The following HPCAL1 variants were observed in gnomAD, a reference collection of about 807,000 sequenced individuals.
HPCAL1 encodes the protein hippocalcin like 1.
In HPCAL1, 8 loss-of-function variants were observed where a neutral mutation model predicts 17.1. That is an observed-to-expected ratio of 0.47 (90% CI 0.27 to 0.84). HPCAL1 has a LOEUF of 0.84. HPCAL1 is among the 40% of genes least tolerant of loss of function. The pLI, the probability that HPCAL1 is intolerant of heterozygous loss-of-function variation, is 0.13. For synonymous variants in HPCAL1, 112 were observed against 111.4 expected (o/e 1.01, Z -0.03); for missense variants, 165 against 271.1 (o/e 0.61, Z 2.75).
At chr2:10,404,870 C>T (rs1003802544) in intron 2 of HPCAL1, among the ~76,000 whole-genome samples, 5 of 152,106 alleles carry the variant, frequency 3.3e-5, no homozygotes, top group Non-Finnish European at 5.9e-5. Flanking sequence ...TTGGGTGTGC[C>T]GAGCGAGAAG....
intron 1 of HPCAL1, among the ~76,000 whole-genome samples, chr2:10,388,497 G>A (rs1190018109): frequency 2.6e-5 from 4 of 152,150 alleles, no homozygotes; most frequent in East Asian, 1.9e-4. Context: ...ATCGTGTTTC[G>A]AGGTGACCTG....
chr2:10,401,202 G>A (rs1215740202), intron 2 of HPCAL1, among the ~76,000 whole-genome samples: 2 of 152,152 alleles, frequency 1.3e-5, no homozygotes, highest in Non-Finnish European at 2.9e-5. Context: ...TCTCTAGGTG[G>A]AGTCCACAGT....
intron 1 of HPCAL1, among the ~76,000 whole-genome samples, chr2:10,325,008 T>C (rs1475355534): frequency 6.6e-6 from 1 of 150,872 alleles, no homozygotes; most frequent in Non-Finnish European, 1.5e-5. Flanking sequence ...TTTTTTTGTA[T>C]TTTTAGTAGA....
intron 1 of HPCAL1, among the ~76,000 whole-genome samples, chr2:10,387,364 G>A (rs949803327): frequency 1.3e-5 from 2 of 152,254 alleles, no homozygotes; most frequent in Non-Finnish European, 2.9e-5. Flanking sequence ...ACGCACTGGG[G>A]ACTGGCTCTA....
At chr2:10,309,882 C>T (rs1662845080) in intron 1 of HPCAL1, among the ~76,000 whole-genome samples, 1 of 152,186 alleles carries the variant, frequency 6.6e-6, no homozygotes. Flanking sequence ...AATGACCGTT[C>T]TCTCCCATGG....
intron 2 of HPCAL1, among the ~76,000 whole-genome samples, chr2:10,405,155 CA>C (rs1427181530): frequency 6.6e-6 from 1 of 152,266 alleles, no homozygotes; most frequent in African/African-American, 2.4e-5. Context: ...GAAGTTGAGA[CA>C]GCCAGGACCA....
chr2:10,322,906 T>C (rs1167047195), intron 1 of HPCAL1, among the ~76,000 whole-genome samples: 1 of 152,186 alleles, frequency 6.6e-6, no homozygotes, highest in Non-Finnish European at 1.5e-5. Flanking sequence ...GCATTCCTCA[T>C]TGATGGAATG....
intron 1 of HPCAL1, among the ~76,000 whole-genome samples, chr2:10,311,740 G>T (rs1572611340): frequency 6.6e-6 from 1 of 152,008 alleles, no homozygotes; most frequent in South Asian, 2.1e-4. Flanking sequence ...TGGGCCAGTT[G>T]CTGGCTCCCC....
chr2:10,411,199 A>G (rs1422672121), intron 2 of HPCAL1, among the ~76,000 whole-genome samples: 1 of 152,194 alleles, frequency 6.6e-6, no homozygotes. Context: ...GCTGGACACC[A>G]GCCAGGAGCA....
At chr2:10,351,626 G>T (rs1665846166) in intron 1 of HPCAL1, among the ~76,000 whole-genome samples, 1 of 152,034 alleles carries the variant, frequency 6.6e-6, no homozygotes, top group African/African-American at 2.4e-5. Context: ...AGGTGTGGTG[G>T]TGTGTGCCTG....
chr2:10,306,798 C>T (rs1662656110), intron 1 of HPCAL1, among the ~76,000 whole-genome samples: 1 of 152,082 alleles, frequency 6.6e-6, no homozygotes, highest in African/African-American at 2.4e-5. Flanking sequence ...TTTAAAGAGC[C>T]CTACCTTGGC....
intron 1 of HPCAL1, among the ~76,000 whole-genome samples, chr2:10,390,844 A>C (rs1668643422): frequency 6.6e-6 from 1 of 152,178 alleles, no homozygotes; most frequent in Non-Finnish European, 1.5e-5. Flanking sequence ...ACCTGCTTAC[A>C]CTGTGACCTG....
intron 1 of HPCAL1, among the ~76,000 whole-genome samples, chr2:10,355,007 G>C (rs539655054): frequency 6.0e-4 from 91 of 152,338 alleles, no homozygotes; most frequent in Non-Finnish European, 9.4e-4. Flanking sequence ...TGCCCAGGCA[G>C]GTAACAGACT....
intron 1 of HPCAL1, among the ~76,000 whole-genome samples, chr2:10,376,854 T>G (rs909114641): frequency 7.5e-6 from 1 of 132,548 alleles, no homozygotes; most frequent in African/African-American, 3.3e-5. Context: ...TTGTATTGTG[T>G]GTAGTACAAT....
rs184377514 is a variant in HPCAL1, at chr2:10,333,491, A to G, written c.-111+30314A>G. 4.5e-3 allele frequency among the ~76,000 whole-genome samples: 679 copies of G among 152,212 alleles called. 7 individuals are homozygous for G. The highest frequency in any genetic ancestry group is 0.015 in the African/African-American group (634 of 41,538). ...GTATCACCGTAGCCCAAGCCAGCCT[A>G]AGCCAGCCTCCTGTGGCCCAGCACC... is the stretch of plus-strand genomic sequence containing the variant. On this transcript the variant is annotated intron_variant, in intron 1 of 4. Transcript: ENST00000307845.
intron 2 of HPCAL1, among the ~76,000 whole-genome samples, chr2:10,415,717 G>A (rs958112733): frequency 2.0e-5 from 3 of 152,142 alleles, no homozygotes; most frequent in Admixed American, 6.5e-5. Flanking sequence ...GTTATTCGGG[G>A]GGAGTCCAGA....
chr2:10,386,805 T>C (rs1300610093), intron 1 of HPCAL1, among the ~76,000 whole-genome samples: 10 of 152,178 alleles, frequency 6.6e-5, no homozygotes, highest in Non-Finnish European at 1.5e-4. Context: ...CACCTCTCCA[T>C]GGACCCACCT....
rs1452546023 is a variant in HPCAL1 at position 10,391,200 on chromosome 2, G to A, written c.-110-5635G>A. Among the ~76,000 whole-genome samples, 4 of 151,674 alleles carry A rather than the reference G, an allele frequency of 2.6e-5. No individual in the cohort carries two copies. The South Asian group carries it at 8.3e-4, about 32-fold the overall frequency. ...ATAGCTCAGCTCCAGCACCTTCCTG[G>A]GGGCCCAGTCCTGGATTTGAGGCTG... On this transcript the variant is annotated intron_variant, in intron 1 of 4. Coordinates refer to ENST00000307845, the MANE Select transcript of HPCAL1 (RefSeq NM_002149.4).
chr2:10,376,749 G>T (rs1667586047), intron 1 of HPCAL1, among the ~76,000 whole-genome samples: 1 of 151,944 alleles, frequency 6.6e-6, no homozygotes, highest in South Asian at 2.1e-4. Context: ...TATATCTCTT[G>T]ACTGTCACAA....
Sources: gnomAD v4.1 joint callset for allele counts (sites outside exome capture counted in the v4.1 genomes callset) on GRCh38, gnomAD v4.1.1 for gene constraint, MANE v1.5 for transcripts, NCBI Gene and HGNC (gene_info 2026-07-23, HGNC 2026-07-21) for gene names.